NFKB1: variants seen among roughly 807,000 people sequenced by gnomAD.
The protein encoded by NFKB1 is nuclear factor kappa B subunit 1, also known as nuclear factor NF-kappa-B p105 subunit.
A neutral mutation model predicts 105.1 loss-of-function variants in NFKB1; 9 were observed. That is an observed-to-expected ratio of 0.09 (90% CI 0.05 to 0.15). The LOEUF (loss-of-function observed/expected upper bound fraction) is 0.15, where lower values mean the gene tolerates loss of function less well. NFKB1 is among the 10% of genes least tolerant of loss of function. The pLI, the probability that NFKB1 is intolerant of heterozygous loss-of-function variation, is 1.00. For synonymous variants in NFKB1, 440 were observed against 442.2 expected, an observed-to-expected ratio of 1.00 and a Z score of 0.06; for missense variants, 830 against 1,203.7, an observed-to-expected ratio of 0.69 and a Z score of 4.59.
intron 16 of NFKB1, among the ~76,000 whole-genome samples, chr4:102,604,395 C>G (rs1727497742): frequency 6.6e-6 from 1 of 152,054 alleles, no homozygotes; most frequent in African/African-American, 2.4e-5. Context: ...CCAGTTTCCC[C>G]CAATGGTAAC....
At chr4:102,591,223 T>A (rs939648460) in intron 11 of NFKB1, among the ~76,000 whole-genome samples, 5 of 152,066 alleles carry the variant, frequency 3.3e-5, no homozygotes, top group African/African-American at 7.2e-5. Flanking sequence ...CAACCTTCCA[T>A]TGGAAGAAGA....
chr4:102,587,746 A>T (rs1725834307), intron 11 of NFKB1, among the ~76,000 whole-genome samples: 1 of 151,754 alleles, frequency 6.6e-6, no homozygotes, highest in Admixed American at 6.6e-5. Context: ...AATGGACAAC[A>T]TATATATATA....
intron 5 of NFKB1, among the ~76,000 whole-genome samples, chr4:102,562,887 G>GTCA (rs970194679): frequency 2.0e-5 from 3 of 151,982 alleles, no homozygotes; most frequent in South Asian, 2.1e-4. Context: ...CATTACCATT[G>GTCA]TCATCATCAT....
At chr4:102,577,564 A>G (rs1724951188) in intron 7 of NFKB1, 1 of 151,292 alleles carries the variant, frequency 6.6e-6, no homozygotes, top group African/African-American at 2.4e-5. Context: ...CTTTTCTCAA[A>G]TTTTTTTTTC....
chr4:102,614,480 C>T (rs560561677), intron 23 of NFKB1, among the ~76,000 whole-genome samples: 18 of 152,322 alleles, frequency 1.2e-4, no homozygotes, highest in African/African-American at 4.3e-4. Context: ...TCCCATTTAG[C>T]TACAGTCCAA....
intron 1 of NFKB1, among the ~76,000 whole-genome samples, chr4:102,522,099 G>A (rs2149109538): frequency 1.3e-5 from 2 of 152,264 alleles, no homozygotes; most frequent in Middle Eastern, 6.8e-3. Flanking sequence ...GGGAAGGGCT[G>A]GGGGAACAGG....
intron 11 of NFKB1, among the ~76,000 whole-genome samples, chr4:102,588,302 G>A (rs931632251): frequency 6.6e-6 from 1 of 152,124 alleles, no homozygotes; most frequent in African/African-American, 2.4e-5. Flanking sequence ...CCAGCCCGGA[G>A]CTTTGCATCC....
At chr4:102,555,024 T>C (rs983752015) in intron 5 of NFKB1, among the ~76,000 whole-genome samples, 1 of 152,164 alleles carries the variant, frequency 6.6e-6, no homozygotes, top group Non-Finnish European at 1.5e-5. Flanking sequence ...CTTTTAGGAA[T>C]AAGAATATTG....
rs757284244 is a variant in NFKB1, at chr4:102,613,622, TC to T, written c.2749+46del. 8.2e-6 allele frequency: 13 copies of T among 1,587,308 alleles called. No homozygotes were observed. The South Asian group carries it at 1.5e-4, about 18-fold the overall frequency. The stretch of plus-strand genomic sequence containing the variant: ...AAAGACAGTGGAGATATTTTCCAGC[TC>T]CCCCAGGCTGGTGTCTTCAGCTCTT... On this transcript the variant is annotated intron_variant, in intron 23 of 23. Coordinates refer to ENST00000226574, the MANE Select transcript of NFKB1 (RefSeq NM_003998.4).
chr4:102,564,031 G>C (rs1723652142), intron 5 of NFKB1, among the ~76,000 whole-genome samples: 1 of 151,634 alleles, frequency 6.6e-6, no homozygotes, highest in African/African-American at 2.4e-5. Context: ...TGTTGGCCAG[G>C]CTGGTCTCAA....
Position 102,616,472 on chromosome 4 carries a change from G to A in NFKB1, c.2788G>A (p.Val930Met). 6.2e-7 allele frequency: 1 copy of A among 1,614,136 alleles called. No individual in the cohort carries two copies. The highest frequency in any genetic ancestry group is 2.2e-5 in the East Asian group (1 of 44,880). The change falls in exon 24 of 24, where the codon GTG (valine) becomes ATG (methionine). Residue 930 changes from valine (V) to methionine (M), a missense_variant. Physicochemically the swap from Val to Met is conservative, Grantham distance 21 (BLOSUM62 1). This residue lies in a region of NFKB1 where 418 missense variants were observed against 575.3 expected (regional missense o/e 0.73). Coordinates refer to ENST00000226574, the MANE Select transcript of NFKB1 (RefSeq NM_003998.4). ...CAGTGACAGTGTCTGCGACAGCGGC[G>A]TGGAGACATCCTTCCGCAAACTCAG... is the stretch of plus-strand genomic sequence containing the variant. ...RDSDSVCDSG[V>M]ETSFRKLSFT...
At chr4:102,526,463 C>A (rs1449183745) in intron 2 of NFKB1, among the ~76,000 whole-genome samples, 1 of 151,988 alleles carries the variant, frequency 6.6e-6, no homozygotes, top group Non-Finnish European at 1.5e-5. Flanking sequence ...ACAATCTATG[C>A]ATGTAACAAA....
At chr4:102,605,929 A>C (rs1211748509) in intron 16 of NFKB1, among the ~76,000 whole-genome samples, 1 of 152,202 alleles carries the variant, frequency 6.6e-6, no homozygotes. Context: ...TGAGTACTTT[A>C]TTTAAATTTC....
intron 5 of NFKB1, among the ~76,000 whole-genome samples, chr4:102,565,201 G>A (rs74683719): frequency 1.6e-4 from 25 of 152,082 alleles, no homozygotes; most frequent in Non-Finnish European, 2.9e-4. Context: ...AGGTGGTCAA[G>A]ATCAAATTTA....
At chr4:102,513,896 G>A (rs531646120) in intron 1 of NFKB1, among the ~76,000 whole-genome samples, 33 of 152,164 alleles carry the variant, frequency 2.2e-4, no homozygotes, top group Admixed American at 7.9e-4. Context: ...ACTCTGGGCC[G>A]GGCGCGGTGG....
intron 23 of NFKB1, 133 bp downstream of exon 23, chr4:102,613,714 C>A: frequency 9.3e-7 from 1 of 1,069,892 alleles, no homozygotes; most frequent in Admixed American, 2.7e-5. Context: ...GTCTCTCTAC[C>A]CCCTGGGCTC....
chr4:102,511,348 C>G (rs975043621), intron 1 of NFKB1, among the ~76,000 whole-genome samples: 3 of 152,220 alleles, frequency 2.0e-5, no homozygotes, highest in East Asian at 1.9e-4. Context: ...TCCAGAAATT[C>G]ATGGAGCTTA....
At chr4:102,508,227 G>A (rs1239765801) in intron 1 of NFKB1, among the ~76,000 whole-genome samples, 1 of 151,992 alleles carries the variant, frequency 6.6e-6, no homozygotes, top group Non-Finnish European at 1.5e-5. Context: ...TTTTAAATGG[G>A]GTATGGACTT....
intron 1 of NFKB1, among the ~76,000 whole-genome samples, chr4:102,517,591 G>T (rs1332718656): frequency 6.6e-6 from 1 of 152,162 alleles, no homozygotes; most frequent in African/African-American, 2.4e-5. Context: ...AAGTTAGATT[G>T]CAGTAAAACT....
Sources: allele counts gnomAD v4.1 joint callset (sites outside exome capture counted in the v4.1 genomes callset), GRCh38; gene constraint gnomAD v4.1.1; regional missense constraint gnomAD v4.1.1; transcripts MANE v1.5; gene names NCBI Gene and HGNC (gene_info 2026-07-23, HGNC 2026-07-21).